The following NCOA4 variants were observed in gnomAD, a reference collection of about 807,000 sequenced individuals.
NCOA4 encodes nuclear receptor coactivator 4, also known as 70 kDa AR-activator.
In NCOA4, 31 loss-of-function variants were observed where a neutral mutation model predicts 69.5. The observed-to-expected ratio is 0.45, with a 90% confidence interval of 0.34 to 0.60. NCOA4 has a LOEUF of 0.60. NCOA4 is among the 20% of genes least tolerant of loss of function. The pLI is 0.02. For synonymous variants in NCOA4, 228 were observed against 252.4 expected (o/e 0.90, Z 0.92); for missense variants, 600 against 719.2 (o/e 0.83, Z 1.90).
chr10:46,008,585 C>T (rs56148635), intron 9 of NCOA4, among the ~76,000 whole-genome samples: 7,883 of 152,254 alleles, frequency 0.052, 241 homozygotes, highest in Non-Finnish European at 0.075. Flanking sequence ...AAAGTGATTT[C>T]TTGAGATAGA....
intron 1 of NCOA4, chr10:46,023,566 C>A (rs1554924970): frequency 2.8e-5 from 27 of 971,698 alleles, no homozygotes; most frequent in Non-Finnish European, 3.3e-5. Context: ...CGCTCGCGGC[C>A]CCCCTGCAGC....
intron 8 of NCOA4, 132 bp from the exon 9 acceptor site, chr10:46,009,683 A>ATTT (rs1839085750): frequency 3.6e-6 from 3 of 826,412 alleles, no homozygotes; most frequent in African/African-American, 1.7e-5. Flanking sequence ...AACAAAGGTG[A>ATTT]CAATTGTTAT....
intron 9 of NCOA4, 164 bp downstream of exon 9, chr10:46,009,247 C>T (rs1305398575): frequency 7.3e-6 from 11 of 1,513,082 alleles, no homozygotes; most frequent in African/African-American, 1.4e-5. Flanking sequence ...AATTAAAATA[C>T]ATCAACTTTT....
At chr10:46,019,667 G>A (rs1839758906) in intron 1 of NCOA4, 2 of 246,258 alleles carry the variant, frequency 8.1e-6, no homozygotes, top group Middle Eastern at 2.0e-3. Context: ...TCAATCACAA[G>A]TATTAATATT....
chr10:46,009,680 G>A (rs1271477767), intron 8 of NCOA4, 129 bp from the exon 9 acceptor site: 1 of 836,170 alleles, frequency 1.2e-6, no homozygotes, highest in African/African-American at 1.7e-5. Flanking sequence ...AAAAACAAAG[G>A]TGACAATTGT....
chr10:46,007,352 G>A (rs1838890896), intron 9 of NCOA4, among the ~76,000 whole-genome samples: 1 of 152,110 alleles, frequency 6.6e-6, no homozygotes, highest in African/African-American at 2.4e-5. Flanking sequence ...GAGGTTTAAG[G>A]AAAGAAGCCA....
rs1491285276 is a variant in NCOA4 at position 46,029,048 on chromosome 10, A to AAG, written c.-15+1477_-15+1478insCT. Among the ~76,000 whole-genome samples the AAG allele has an allele frequency of 7.9e-3, 1,104 of 139,988 alleles. 13 individuals carry two copies. Among genetic ancestry groups the AAG allele is most frequent in the African/African-American group, 0.029 (1,059 of 36,940 alleles). The allele number at this position is 139,988 out of a possible 152,430, so 91.8% of individuals were successfully genotyped here. ...TACTGATTTAATAAAAAAAAAAAAA[A>AAG]GGGGGGGGTGAGGGGTACTATGTAG... On this transcript the variant is annotated intron_variant, in intron 1 of 9. Coordinates refer to ENST00000581486, the MANE Select transcript of NCOA4 (RefSeq NM_001145263.2).
intron 5 of NCOA4, 132 bp downstream of exon 5, chr10:46,014,312 C>A: frequency 1.5e-6 from 1 of 677,152 alleles, no homozygotes. Flanking sequence ...CCACCACGCC[C>A]AGCTGAGAAC....
At chr10:46,012,818 C>A in intron 7 of NCOA4, 65 bp downstream of exon 7, 1 of 1,574,822 alleles carries the variant, frequency 6.3e-7, no homozygotes, top group Non-Finnish European at 8.7e-7. Context: ...CATAGTACTA[C>A]TGATTAGTAA....
At chr10:46,009,251 A>T (rs1388968194) in intron 9 of NCOA4, 160 bp downstream of exon 9, 79 of 1,505,776 alleles carry the variant, frequency 5.2e-5, no homozygotes, top group Non-Finnish European at 7.0e-5. Flanking sequence ...AAAATACATC[A>T]ACTTTTTATG....
chr10:46,029,044 A>C (rs1840313591), intron 1 of NCOA4, among the ~76,000 whole-genome samples: 1 of 151,150 alleles, frequency 6.6e-6, no homozygotes, highest in African/African-American at 2.4e-5. Context: ...TAAAAAAAAA[A>C]AAAAGGGGGG....
intron 1 of NCOA4, among the ~76,000 whole-genome samples, chr10:46,028,539 T>TA (rs61255702): frequency 0.029 from 3,811 of 130,696 alleles, 118 homozygotes; most frequent in African/African-American, 0.085. Context: ...CACCATTAAT[T>TA]AAAAAAAAAA....
chr10:46,015,069 ACT>A, intron 3 of NCOA4, 55 bp downstream of exon 3: 2 of 1,610,166 alleles, frequency 1.2e-6, no homozygotes, highest in Non-Finnish European at 1.7e-6. Context: ...CAAGGAAGAT[ACT>A]CTCTGGCAAC....
chr10:46,027,334 G>T, intron 1 of NCOA4: 3 of 992,522 alleles, frequency 3.0e-6, no homozygotes, highest in Non-Finnish European at 3.0e-6. Context: ...CAGAAGTTAA[G>T]CATTGCAATG....
intron 1 of NCOA4, among the ~76,000 whole-genome samples, chr10:46,028,256 C>T (rs1352243307): frequency 6.6e-6 from 1 of 152,182 alleles, no homozygotes; most frequent in South Asian, 2.1e-4. Context: ...TCCAATCCCC[C>T]TTAATATGCT....
chr10:46,016,851 T>C (rs1481496465), intron 1 of NCOA4, among the ~76,000 whole-genome samples, 157 bp from the exon 2 acceptor site: 2 of 152,194 alleles, frequency 1.3e-5, no homozygotes, highest in Non-Finnish European at 2.9e-5. Flanking sequence ...TCTTAATAAA[T>C]ATTGTCTCCT....
intron 1 of NCOA4, among the ~76,000 whole-genome samples, chr10:46,023,981 G>GTT (rs1311418686): frequency 2.6e-5 from 4 of 152,138 alleles, no homozygotes; most frequent in Non-Finnish European, 5.9e-5. Flanking sequence ...ATATAAAGCT[G>GTT]TTTTTGTTAA....
rs141175678 is a variant in NCOA4 at position 46,010,690 on chromosome 10, T to G, written c.1231A>C (p.Thr411Pro). 6.2e-7 allele frequency: 1 copy of G among 1,614,140 alleles called. No homozygotes were observed. Among genetic ancestry groups the G allele is most frequent in the Non-Finnish European group, 8.5e-7 (1 of 1,179,996 alleles). The stretch of plus-strand genomic sequence containing the variant: ...TCACACACACACTCTGCAAAGCTTG[T>G]GCAGGGCTCATTGGCTCTGCACACC... ...EEVCRANEPC[T>P]SFAECVCDEN... Residue 411 changes from threonine to proline, a missense_variant, in exon 8 of 10, where the codon ACA becomes CCA. Coordinates refer to ENST00000581486, the MANE Select transcript of NCOA4 (RefSeq NM_001145263.2).
At chr10:46,009,374 C>G in intron 9 of NCOA4, 37 bp downstream of exon 9, 1 of 1,589,366 alleles carries the variant, frequency 6.3e-7, no homozygotes, top group Non-Finnish European at 8.6e-7. Flanking sequence ...TTATAAATAG[C>G]TATAATCTAA....
Sources: gnomAD v4.1 joint callset for allele counts (sites outside exome capture counted in the v4.1 genomes callset) on GRCh38, gnomAD v4.1.1 for gene constraint, MANE v1.5 for transcripts, NCBI Gene and HGNC (gene_info 2026-07-23, HGNC 2026-07-21) for gene names.